The following DNAJC5 variants were observed in gnomAD, a reference collection of about 807,000 sequenced individuals.
DNAJC5 encodes dnaJ homolog subfamily C member 5.
In DNAJC5, 1 loss-of-function variant was observed where a neutral mutation model predicts 23.2. The ratio of observed to expected loss-of-function variants is 0.04; its 90% CI spans 0.02 to 0.20. The LOEUF is 0.20. Among genes scored for constraint, DNAJC5 ranks in the 10% least tolerant of loss-of-function variants. The probability of loss-of-function intolerance (pLI) is 1.00; values close to 1 mark genes in which losing one functional copy is unlikely to be tolerated. For synonymous variants in DNAJC5, 136 were observed against 120.0 expected (o/e 1.13, Z -0.87); for missense variants, 180 against 267.0 (o/e 0.67, Z 2.27).
intron 1 of DNAJC5, among the ~76,000 whole-genome samples, chr20:63,916,268 A>G (rs2427551): frequency 0.29 from 44,002 of 152,140 alleles, 7,884 homozygotes; most frequent in East Asian, 0.58. Context: ...CCCGCCCCCA[A>G]TATTTCAATG....
intron 1 of DNAJC5, among the ~76,000 whole-genome samples, chr20:63,896,964 A>G (rs2053379673): frequency 1.3e-5 from 2 of 152,166 alleles, no homozygotes; most frequent in Non-Finnish European, 2.9e-5. Context: ...CCCTCAGGAC[A>G]GAGAGCCACC....
At chr20:63,907,586 T>G (rs1023558655) in intron 1 of DNAJC5, among the ~76,000 whole-genome samples, 3 of 152,168 alleles carry the variant, frequency 2.0e-5, no homozygotes, top group African/African-American at 7.2e-5. Context: ...CAGGCCCGTC[T>G]CACAGGCCTC....
chr20:63,913,359 C>T (rs1364527482), intron 1 of DNAJC5, among the ~76,000 whole-genome samples: 1 of 152,008 alleles, frequency 6.6e-6, no homozygotes, highest in African/African-American at 2.4e-5. Flanking sequence ...TCCCCTTGCC[C>T]CAGGGTCCAG....
intron 1 of DNAJC5, among the ~76,000 whole-genome samples, chr20:63,901,399 G>T (rs1186356844): frequency 6.6e-6 from 1 of 152,206 alleles, no homozygotes; most frequent in Non-Finnish European, 1.5e-5. Context: ...TTCGGGGAGA[G>T]CTCTCCCTGC....
chr20:63,913,794 GTC>G (rs1248062182), intron 1 of DNAJC5, among the ~76,000 whole-genome samples: 4 of 152,140 alleles, frequency 2.6e-5, no homozygotes, highest in African/African-American at 9.7e-5. Context: ...TGACCACCTG[GTC>G]TCAAACTCCT....
intron 1 of DNAJC5, among the ~76,000 whole-genome samples, chr20:63,922,922 C>T (rs1254070846): frequency 6.6e-6 from 1 of 152,164 alleles, no homozygotes; most frequent in Non-Finnish European, 1.5e-5. Flanking sequence ...GGGTGGCTCA[C>T]CTGAGGTCAG....
intron 1 of DNAJC5, among the ~76,000 whole-genome samples, chr20:63,915,788 G>T (rs1279908927): frequency 6.6e-6 from 1 of 152,212 alleles, no homozygotes; most frequent in African/African-American, 2.4e-5. Context: ...TACACCAGAA[G>T]AATTCTTCCT....
chr20:63,915,004 T>C (rs2053506967), intron 1 of DNAJC5, among the ~76,000 whole-genome samples: 1 of 152,160 alleles, frequency 6.6e-6, no homozygotes, highest in Non-Finnish European at 1.5e-5. Flanking sequence ...TGGAGCAAAA[T>C]GGAGAGCCCC....
At chr20:63,923,396 C>T (rs6062588) in intron 1 of DNAJC5, among the ~76,000 whole-genome samples, 8,246 of 144,660 alleles carry the variant, frequency 0.057, 433 homozygotes, top group East Asian at 0.24. Flanking sequence ...GAGCCAAGAT[C>T]GCACCACTGC....
At chr20:63,906,654 C>T (rs1030400200) in intron 1 of DNAJC5, among the ~76,000 whole-genome samples, 6 of 151,848 alleles carry the variant, frequency 4.0e-5, no homozygotes, top group South Asian at 4.2e-4. Flanking sequence ...TGATGGTGGG[C>T]GCCTGTATAT....
chr20:63,906,971 G>A (rs1319169189), intron 1 of DNAJC5, among the ~76,000 whole-genome samples: 1 of 151,884 alleles, frequency 6.6e-6, no homozygotes, highest in East Asian at 1.9e-4. Context: ...TGTGGTGGTT[G>A]CACACCTGTA....
At chr20:63,901,540 G>A (rs146013469) in intron 1 of DNAJC5, among the ~76,000 whole-genome samples, 3 of 152,218 alleles carry the variant, frequency 2.0e-5, no homozygotes, top group Non-Finnish European at 2.9e-5. Context: ...GGCTGCGTCC[G>A]CGCGCTCCAC....
chr20:63,926,863 G>A (rs1421385772), intron 1 of DNAJC5, among the ~76,000 whole-genome samples: 3 of 152,184 alleles, frequency 2.0e-5, no homozygotes, highest in Non-Finnish European at 2.9e-5. Context: ...GTTTCATCTG[G>A]GTGCCCCACG....
chr20:63,901,458 A>C (rs745790823), intron 1 of DNAJC5, among the ~76,000 whole-genome samples: 1 of 152,222 alleles, frequency 6.6e-6, no homozygotes, highest in Non-Finnish European at 1.5e-5. Flanking sequence ...TGTTCTAGTG[A>C]AACTGCAGAA....
intron 1 of DNAJC5, among the ~76,000 whole-genome samples, chr20:63,907,892 A>G (rs996028054): frequency 6.6e-6 from 1 of 152,176 alleles, no homozygotes; most frequent in Non-Finnish European, 1.5e-5. Flanking sequence ...CAGCTTCCCC[A>G]GTAGCTGGGC....
At chr20:63,918,127 T>G (rs1392342769) in intron 1 of DNAJC5, among the ~76,000 whole-genome samples, 1 of 152,194 alleles carries the variant, frequency 6.6e-6, no homozygotes, top group Non-Finnish European at 1.5e-5. Context: ...GGATCAGTTG[T>G]GGTCTATTCA....
chr20:63,931,626 A>C lies in DNAJC5; in HGVS notation c.*58A>C. 1 of 1,470,172 alleles carries C rather than the reference A, an allele frequency of 6.8e-7. No individual in the cohort carries two copies. The highest frequency in any genetic ancestry group is 9.2e-7 in the Non-Finnish European group (1 of 1,085,266). 91.1% of individuals were successfully genotyped at this position (1,470,172 alleles called of 1,614,324 possible). A position where few individuals can be genotyped will look rare whatever the true frequency, so the allele number is the denominator to read the frequency against. ...GGCGCCTGGCCACGCCAACCTTAGA[A>C]TCATGAACTGTAGTCACAGAGATGG... On this transcript the variant is annotated 3_prime_UTR_variant, in exon 5 of 5. Coordinates refer to ENST00000360864, the MANE Select transcript of DNAJC5 (RefSeq NM_025219.3). The surrounding 1 kb of genome is among the most constrained non-coding windows in gnomAD (Gnocchi z 9.6).
intron 1 of DNAJC5, among the ~76,000 whole-genome samples, chr20:63,915,619 C>T (rs1457017970): frequency 6.6e-6 from 1 of 152,200 alleles, no homozygotes; most frequent in African/African-American, 2.4e-5. Flanking sequence ...CAGGCAAGCA[C>T]TGGGGAGCCT....
intron 1 of DNAJC5, among the ~76,000 whole-genome samples, chr20:63,916,610 CAG>C (rs1406449528): frequency 1.3e-5 from 2 of 152,206 alleles, no homozygotes; most frequent in Non-Finnish European, 2.9e-5. Flanking sequence ...CAACAGAAAA[CAG>C]GGTTCCAGAG....
Sources: gnomAD v4.1 joint callset for allele counts (sites outside exome capture counted in the v4.1 genomes callset) on GRCh38, gnomAD v4.1.1 for gene constraint, Gnocchi (gnomAD v3.1) non-coding constraint, MANE v1.5 for transcripts, NCBI Gene and HGNC (gene_info 2026-07-23, HGNC 2026-07-21) for gene names.